Variants in PCSK5 observed in about 807,000 individuals in gnomAD.
The protein encoded by PCSK5 is prohormone convertase 5.
Under a neutral mutation model 233.2 loss-of-function variants are expected in PCSK5, and 129 were observed. The ratio of observed to expected loss-of-function variants is 0.55; its 90% CI spans 0.48 to 0.64. PCSK5 has a LOEUF of 0.64. Ranked by LOEUF, PCSK5 falls within the 30% of genes least tolerant of loss-of-function variation. The pLI is 0.00. For synonymous variants in PCSK5, 825 were observed against 879.2 expected, an observed-to-expected ratio of 0.94 and a Z score of 1.09; for missense variants, 2,076 against 2,430.1, an observed-to-expected ratio of 0.85 and a Z score of 3.06.
At chr9:76,033,336 TAA>T (rs746029248) in intron 5 of PCSK5, among the ~76,000 whole-genome samples, 1 of 152,206 alleles carries the variant, frequency 6.6e-6, no homozygotes, top group Non-Finnish European at 1.5e-5. Context: ...TATGTTAAGA[TAA>T]AGTTTTCCTA....
intron 29 of PCSK5, 101 bp from the exon 30 acceptor site, chr9:76,310,555 G>T: frequency 1.5e-6 from 1 of 668,324 alleles, no homozygotes; most frequent in East Asian, 3.0e-5. Context: ...TGAAATAAGT[G>T]CCTGGATACT....
chr9:76,276,086 A>C (rs946571906), intron 24 of PCSK5, among the ~76,000 whole-genome samples: 1 of 152,020 alleles, frequency 6.6e-6, no homozygotes, highest in Non-Finnish European at 1.5e-5. Flanking sequence ...CCATTCCCTC[A>C]CCCCACACAT....
chr9:76,253,107 A>G (rs1382710328), intron 24 of PCSK5, among the ~76,000 whole-genome samples: 3 of 152,242 alleles, frequency 2.0e-5, no homozygotes, highest in Non-Finnish European at 4.4e-5. Flanking sequence ...GCTGCTCAGC[A>G]TTCATAAAGC....
chr9:75,900,538 G>A (rs1479171850), intron 1 of PCSK5, among the ~76,000 whole-genome samples: 2 of 151,620 alleles, frequency 1.3e-5, no homozygotes, highest in East Asian at 3.9e-4. Flanking sequence ...AATTAGCCAG[G>A]TGTGGTGGTC....
intron 37 of PCSK5, among the ~76,000 whole-genome samples, chr9:76,355,414 A>C (rs1771063134): frequency 6.6e-6 from 1 of 152,172 alleles, no homozygotes; most frequent in African/African-American, 2.4e-5. Context: ...CAGAGCTCGC[A>C]GTGAGCCAAG....
intron 3 of PCSK5, among the ~76,000 whole-genome samples, chr9:75,996,815 G>GT (rs35830280): frequency 0.63 from 89,093 of 141,338 alleles, 28,644 homozygotes; most frequent in East Asian, 0.81. Flanking sequence ...TGTTAACAAA[G>GT]TTTTTTTTTT....
At chr9:75,902,646 CAG>C (rs1826092879) in intron 1 of PCSK5, among the ~76,000 whole-genome samples, 1 of 152,164 alleles carries the variant, frequency 6.6e-6, no homozygotes, top group African/African-American at 2.4e-5. Context: ...AGTCAAGAAA[CAG>C]AGGCTGAAGT....
chr9:76,042,467 A>G (rs1829162438), intron 5 of PCSK5, among the ~76,000 whole-genome samples: 1 of 152,194 alleles, frequency 6.6e-6, no homozygotes, highest in African/African-American at 2.4e-5. Context: ...CCTGGCCAAC[A>G]TGGTGAACGA....
At chr9:76,105,533 T>C (rs1291762012) in intron 8 of PCSK5, among the ~76,000 whole-genome samples, 1 of 152,234 alleles carries the variant, frequency 6.6e-6, no homozygotes, top group African/African-American at 2.4e-5. Flanking sequence ...GTTATATGTT[T>C]TTTAACACAA....
At chr9:76,256,734 G>C (rs1480858827) in intron 24 of PCSK5, among the ~76,000 whole-genome samples, 1 of 152,198 alleles carries the variant, frequency 6.6e-6, no homozygotes, top group East Asian at 1.9e-4. Flanking sequence ...TGGCAGTAGT[G>C]ACTAGAACTT....
At chr9:76,014,375 G>A (rs1827857580) in intron 3 of PCSK5, among the ~76,000 whole-genome samples, 2 of 152,160 alleles carry the variant, frequency 1.3e-5, no homozygotes, top group African/African-American at 4.8e-5. Context: ...TGTACTAATT[G>A]CACAGTTTGT....
intron 20 of PCSK5, among the ~76,000 whole-genome samples, chr9:76,220,980 T>G (rs1825712534): frequency 6.6e-6 from 1 of 152,182 alleles, no homozygotes; most frequent in South Asian, 2.1e-4. Flanking sequence ...AGGAGCCAGT[T>G]TATTTGTTTT....
intron 2 of PCSK5, 48 bp downstream of exon 2, chr9:75,932,531 T>C (rs1399129075): frequency 9.2e-7 from 1 of 1,086,476 alleles, no homozygotes; most frequent in South Asian, 1.2e-5. Context: ...GCTTCTGCAT[T>C]TTTCATTGGT....
chr9:76,196,868 T>C (rs1346033531), intron 20 of PCSK5, among the ~76,000 whole-genome samples: 1 of 152,196 alleles, frequency 6.6e-6, no homozygotes, highest in African/African-American at 2.4e-5. Flanking sequence ...TCCAGATTCA[T>C]AATAATAATA....
intron 3 of PCSK5, among the ~76,000 whole-genome samples, chr9:75,996,342 C>A (rs1341754259): frequency 7.9e-5 from 12 of 152,136 alleles, no homozygotes; most frequent in Admixed American, 7.9e-4. Flanking sequence ...AATGCAATGA[C>A]CATGTTGCCT....
intron 2 of PCSK5, among the ~76,000 whole-genome samples, chr9:75,981,847 G>A (rs1032711236): frequency 5.3e-5 from 8 of 152,158 alleles, no homozygotes; most frequent in Non-Finnish European, 1.2e-4. Flanking sequence ...ATAGGTGTGA[G>A]CCATTGGGCC....
At chr9:76,329,005 G>C (rs1185367133) in intron 33 of PCSK5, among the ~76,000 whole-genome samples, 2 of 63,004 alleles carry the variant, frequency 3.2e-5, no homozygotes, top group African/African-American at 1.5e-4. Context: ...TTTTGGTAGA[G>C]ACGGGGTTTC....
At chr9:75,987,666 A>C (rs1826577604) in intron 3 of PCSK5, among the ~76,000 whole-genome samples, 1 of 152,190 alleles carries the variant, frequency 6.6e-6, no homozygotes, top group African/African-American at 2.4e-5. Flanking sequence ...AAAGGGAGGA[A>C]TCATAAAGCT....
chr9:76,350,716 A>G (rs971017242), intron 35 of PCSK5, 112 bp from the exon 36 acceptor site: 12 of 708,148 alleles, frequency 1.7e-5, no homozygotes, highest in Non-Finnish European at 3.0e-5. Flanking sequence ...CAATCAATTC[A>G]CCCTTCTGCT....
Sources: allele counts gnomAD v4.1 joint callset (sites outside exome capture counted in the v4.1 genomes callset), GRCh38; gene constraint gnomAD v4.1.1; transcripts MANE v1.5; gene names NCBI Gene and HGNC (gene_info 2026-07-23, HGNC 2026-07-21).